NECTIN2: variants seen among roughly 807,000 people sequenced by gnomAD.
NECTIN2 encodes the protein nectin-2.
NECTIN2 carries 23 observed loss-of-function variants against 56.9 expected under a neutral mutation model. That is an observed-to-expected ratio of 0.40 (90% confidence interval 0.29 to 0.57). The LOEUF (loss-of-function observed/expected upper bound fraction) is 0.57, where lower values mean the gene tolerates loss of function less well. Among genes scored for constraint, NECTIN2 ranks in the 20% least tolerant of loss-of-function variants. The probability of loss-of-function intolerance (pLI) is 0.38; values close to 1 mark genes in which losing one functional copy is unlikely to be tolerated. For synonymous variants in NECTIN2, 302 were observed against 313.8 expected, an observed-to-expected ratio of 0.96 and a Z score of 0.40; for missense variants, 587 against 718.3, an observed-to-expected ratio of 0.82 and a Z score of 2.09.
intron 2 of NECTIN2, among the ~76,000 whole-genome samples, chr19:44,866,249 G>A (rs768464553): frequency 3.9e-5 from 6 of 152,016 alleles, no homozygotes; most frequent in Non-Finnish European, 7.4e-5. Context: ...GCTGAGGCAG[G>A]TAGATTGCTT....
At chr19:44,846,994 A>T (rs751334234) in intron 1 of NECTIN2, among the ~76,000 whole-genome samples, 59 of 150,446 alleles carry the variant, frequency 3.9e-4, no homozygotes, top group Non-Finnish European at 6.1e-4. Flanking sequence ...TGTCTCCTCT[A>T]CCCCTCTCAG....
Position 44,872,328 on chromosome 19 carries a change from A to G in NECTIN2, c.775+179A>G, listed in dbSNP as rs187183066. Among the ~76,000 whole-genome samples the G allele has an allele frequency of 8.3e-3, 1,260 of 152,002 alleles. 13 individuals are homozygous for G. The highest frequency in any genetic ancestry group is 0.014 in the Non-Finnish European group (959 of 67,972). ...GGGCAAATCTACATACTTCCCCCTC[A>G]TTGTCTACATTGGCTTTACTGGGTT... On this transcript the variant is annotated intron_variant, in intron 3 of 8. Transcript: ENST00000252483.
chr19:44,859,173 C>A (rs1341584397), intron 1 of NECTIN2, among the ~76,000 whole-genome samples: 1 of 152,104 alleles, frequency 6.6e-6, no homozygotes, highest in African/African-American at 2.4e-5. Flanking sequence ...TGGTGTTGGC[C>A]CTCGAAATGA....
chr19:44,853,266 A>T (rs893047534), intron 1 of NECTIN2, among the ~76,000 whole-genome samples: 19 of 151,880 alleles, frequency 1.3e-4, no homozygotes, highest in African/African-American at 4.6e-4. Flanking sequence ...GCGCGATCTC[A>T]GCTCACTGCA....
chr19:44,872,819 TTATATATTATATATTATATAAAATA>T (rs1969192677), intron 3 of NECTIN2, among the ~76,000 whole-genome samples: 1 of 147,538 alleles, frequency 6.8e-6, no homozygotes, highest in African/African-American at 2.5e-5. Context: ...TATTATATTT[TTATATATTATATATTATATAAAATA>T]TATAAATTAT....
In NECTIN2 at chr19:44,886,151, C is replaced by G. The variant is rs372483575; in HGVS notation, c.1279C>G (p.Leu427Val). 1.8e-5 allele frequency: 29 copies of G among 1,613,198 alleles called. No homozygotes were observed. Among genetic ancestry groups the G allele is most frequent in the African/African-American group, 2.7e-5 (2 of 74,902 alleles). ...AQEMPSQLFTLGASEHSPLKT... is the reference protein window; with the variant it reads ...AQEMPSQLFTVGASEHSPLKT... ...ACTACAGCCCTCCCAGCTCTTCACT[C>G]TGGGGGCCTCGGAGCACAGCCCACT... The change falls in exon 8 of 9, where the codon CTG becomes GTG. Residue 427 changes from leucine (L) to valine (V), a missense_variant. Physicochemically the swap from Leu to Val is conservative, Grantham distance 32. Coordinates refer to ENST00000252483, the MANE Select transcript of NECTIN2 (RefSeq NM_001042724.2).
intron 1 of NECTIN2, among the ~76,000 whole-genome samples, chr19:44,859,108 G>A (rs112763676): frequency 2.0e-5 from 3 of 152,230 alleles, no homozygotes; most frequent in South Asian, 2.1e-4. Context: ...TGTGTATGAC[G>A]CCAGGGCCTG....
Position 44,874,405 on chromosome 19 carries a change from C to G in NECTIN2, c.969C>G (p.Phe323Leu), listed in dbSNP as rs752004986. 3.1e-6 allele frequency: 5 copies of G among 1,614,044 alleles called. No homozygotes were observed. ...TCATCCACGCAGTGGACAGTCTGTT[C>G]AATACCACCTTCGTCTGCACAGTCA... ...QLVIHAVDSL[F>L]NTTFVCTVTN... The change falls in exon 5 of 9, where the codon TTC (phenylalanine) becomes TTG (leucine). Residue 323 changes from phenylalanine (F) to leucine (L), a missense_variant. Phe to Leu is a conservative substitution (Grantham distance 22, BLOSUM62 0). Transcript: ENST00000252483. The surrounding 1 kb of genome is among the most constrained non-coding windows in gnomAD (Gnocchi z 6.3).
At chr19:44,860,477 C>T (rs566372172) in intron 1 of NECTIN2, among the ~76,000 whole-genome samples, 33 of 152,134 alleles carry the variant, frequency 2.2e-4, no homozygotes, top group East Asian at 5.8e-4. Context: ...CGCCATTGCA[C>T]GCCAGCATGG....
At chr19:44,868,613 CTCTT>C (rs576811377) in intron 2 of NECTIN2, among the ~76,000 whole-genome samples, 206 of 151,854 alleles carry the variant, frequency 1.4e-3, no homozygotes, top group African/African-American at 4.9e-3. Flanking sequence ...GCTACGAATG[CTCTT>C]TCTTTAAATC....
chr19:44,865,605 G>A lies in NECTIN2; in HGVS notation c.423G>A (p.Glu141=), dbSNP rs780852239. 1.1e-4 allele frequency: 166 copies of A among 1,541,382 alleles called. No individual in the cohort carries two copies. Among genetic ancestry groups the A allele is most frequent in the Non-Finnish European group, 1.4e-4 (163 of 1,147,096 alleles). The change falls in exon 2 of 9, where the codon GAG becomes GAA. Residue 141 remains glutamate, a synonymous_variant. Transcript: ENST00000252483. The surrounding 1 kb of genome is among the most constrained non-coding windows in gnomAD (Gnocchi z 5.2). The part of the protein sequence containing the change: ...TVEDEGNYTC[E]FATFPKGSVR... ...AGGACGAGGGCAACTACACTTGCGA[G>A]TTTGCCACCTTCCCCAAGGGGTCCG...
intron 2 of NECTIN2, among the ~76,000 whole-genome samples, chr19:44,869,661 A>G (rs1015066226): frequency 2.0e-5 from 3 of 151,664 alleles, no homozygotes; most frequent in Admixed American, 2.0e-4. Context: ...AAGCTTGAGG[A>G]TGACCACCTG....
At chr19:44,864,463 G>T (rs1249090992) in intron 1 of NECTIN2, among the ~76,000 whole-genome samples, 2 of 152,282 alleles carry the variant, frequency 1.3e-5, no homozygotes, top group Non-Finnish European at 2.9e-5. Flanking sequence ...AAAGTGCTGA[G>T]ATTGAAGTCT....
chr19:44,870,457 T>G (rs537618472), intron 2 of NECTIN2, among the ~76,000 whole-genome samples: 62 of 152,152 alleles, frequency 4.1e-4, no homozygotes, highest in African/African-American at 1.4e-3. Flanking sequence ...ACAGAAGATG[T>G]GAGTCTGGGT....
intron 1 of NECTIN2, among the ~76,000 whole-genome samples, chr19:44,862,810 C>T (rs904044179): frequency 4.6e-5 from 7 of 150,936 alleles, no homozygotes; most frequent in Admixed American, 1.3e-4. Context: ...GTCAGGCGTT[C>T]GAGGCCAGCC....
At position 44,878,681 on chromosome 19, in the gene NECTIN2, G is replaced by A. The variant is rs866569529; in HGVS notation, c.1043-3530G>A. The A allele has an allele frequency of 1.2e-4, 162 of 1,354,752 alleles. No individual in the cohort carries two copies. The Middle Eastern group carries it at 1.3e-3, about 11-fold the overall frequency. The allele number at this position is 1,354,752 out of a possible 1,614,324, so 83.9% of individuals were successfully genotyped here. A position where few individuals can be genotyped will look rare whatever the true frequency, so the allele number is the denominator to read the frequency against. ...CTCCCGCCCCCGACCTGACCACGCC[G>A]GCCTAGGGTTCCAGACTGGTTGGAC... On this transcript the variant is annotated intron_variant, in intron 5 of 8. Transcript: ENST00000252483.
intron 5 of NECTIN2, chr19:44,881,900 C>T (rs1969312107): frequency 8.9e-6 from 2 of 223,914 alleles, no homozygotes; most frequent in East Asian, 9.1e-5. Flanking sequence ...TTGTATCCCC[C>T]GTGACTTACT....
rs1446535730 is a variant in NECTIN2, at chr19:44,875,071, A to G, written c.1042+593A>G. ...CAGAGACCCCTCCTGTCAGAGCCAC[A>G]GCTGGCAGGATCCACAGCCACAGAC... On this transcript the variant is annotated intron_variant, in intron 5 of 8. Coordinates refer to ENST00000252483, the MANE Select transcript of NECTIN2 (RefSeq NM_001042724.2). The surrounding 1 kb of genome is among the most constrained non-coding windows in gnomAD (Gnocchi z 4.2). Among the ~76,000 whole-genome samples the G allele has an allele frequency of 6.6e-6, 1 of 152,140 alleles. No individual in the cohort carries two copies. Among genetic ancestry groups the G allele is most frequent in the Non-Finnish European group, 1.5e-5 (1 of 68,008 alleles).
chr19:44,873,628 G>A (rs998086113), intron 3 of NECTIN2, among the ~76,000 whole-genome samples: 5 of 139,276 alleles, frequency 3.6e-5, no homozygotes, highest in Non-Finnish European at 7.6e-5. Flanking sequence ...GCAAGATCCT[G>A]TCTCAAAAAC....
Sources: allele counts gnomAD v4.1 joint callset (sites outside exome capture counted in the v4.1 genomes callset), GRCh38; gene constraint gnomAD v4.1.1; non-coding constraint Gnocchi (gnomAD v3.1); transcripts MANE v1.5; gene names NCBI Gene and HGNC (gene_info 2026-07-23, HGNC 2026-07-21).